Variants in MAP4K4 observed in about 807,000 individuals in gnomAD.
The protein encoded by MAP4K4 is mitogen-activated protein kinase kinase kinase kinase 4, also known as HPK/GCK-like kinase HGK.
MAP4K4 carries 38 observed loss-of-function variants against 189.6 expected under a neutral mutation model. The ratio of observed to expected loss-of-function variants is 0.20; its 90% CI spans 0.15 to 0.26. MAP4K4 has a LOEUF of 0.26. Ranked by LOEUF, MAP4K4 falls within the 10% of genes least tolerant of loss-of-function variation. MAP4K4 has a pLI of 1.00. For synonymous variants in MAP4K4, 610 were observed against 624.3 expected (o/e 0.98, Z 0.34); for missense variants, 1,054 against 1,726.9 (o/e 0.61, Z 6.91).
chr2:101,873,238 C>T (rs970794115), intron 24 of MAP4K4, among the ~76,000 whole-genome samples: 7 of 152,222 alleles, frequency 4.6e-5, no homozygotes, highest in Non-Finnish European at 1.0e-4. Flanking sequence ...AATATTCCAG[C>T]ATAGATTATT....
At chr2:101,707,704 T>G (rs1460577951) in intron 2 of MAP4K4, among the ~76,000 whole-genome samples, 1 of 148,846 alleles carries the variant, frequency 6.7e-6, no homozygotes, top group Non-Finnish European at 1.5e-5. Context: ...TTTTTTTTTT[T>G]TTTTGAGACG....
intron 2 of MAP4K4, among the ~76,000 whole-genome samples, chr2:101,718,482 C>T (rs1000274256): frequency 1.3e-5 from 2 of 150,720 alleles, no homozygotes; most frequent in East Asian, 2.0e-4. Flanking sequence ...CCCAGGGTTT[C>T]GACAGGTTTG....
At chr2:101,874,242 T>C in exon 26 of MAP4K4, 1 of 1,608,958 alleles carries the variant, frequency 6.2e-7, no homozygotes, top group Non-Finnish European at 8.5e-7. Context: ...TTCTGTGTGC[T>C]GCCTTATGGG....
intron 2 of MAP4K4, among the ~76,000 whole-genome samples, chr2:101,743,269 CT>C (rs1372259148): frequency 1.3e-5 from 2 of 152,080 alleles, no homozygotes; most frequent in Non-Finnish European, 2.9e-5. Flanking sequence ...GCTCTTTTGC[CT>C]TGTTTTTTGG....
chr2:101,844,991 C>T (rs7561640), intron 12 of MAP4K4, among the ~76,000 whole-genome samples: 3,097 of 151,888 alleles, frequency 0.02, 114 homozygotes, highest in African/African-American at 0.07. Context: ...GGAAGAGTGC[C>T]GCGTGGCAAG....
At chr2:101,791,499 T>A (rs532065064) in intron 3 of MAP4K4, among the ~76,000 whole-genome samples, 1 of 152,224 alleles carries the variant, frequency 6.6e-6, no homozygotes, top group African/African-American at 2.4e-5. Context: ...TATCTGAAAT[T>A]TTACTTTATG....
chr2:101,827,802 G>A (rs1043404171), intron 5 of MAP4K4, among the ~76,000 whole-genome samples: 4 of 152,164 alleles, frequency 2.6e-5, no homozygotes, highest in African/African-American at 9.7e-5. Flanking sequence ...AACCAATACT[G>A]TATGACAACC....
chr2:101,746,411 G>A (rs550672832), intron 2 of MAP4K4, among the ~76,000 whole-genome samples: 2 of 150,972 alleles, frequency 1.3e-5, no homozygotes, highest in East Asian at 2.0e-4. Context: ...TTCATGTTTT[G>A]TAAGTTTAAT....
intron 6 of MAP4K4, among the ~76,000 whole-genome samples, chr2:101,830,270 C>T (rs985703781): frequency 3.3e-5 from 5 of 152,054 alleles, no homozygotes; most frequent in African/African-American, 1.2e-4. Flanking sequence ...AGTGTATTAC[C>T]CAGCATCTAG....
chr2:101,728,553 C>T (rs931903294), intron 2 of MAP4K4, among the ~76,000 whole-genome samples: 7 of 151,978 alleles, frequency 4.6e-5, no homozygotes, highest in African/African-American at 1.7e-4. Context: ...GCTCTGTCAC[C>T]CAGGCTGGGG....
chr2:101,760,408 G>C (rs753917634), intron 2 of MAP4K4, among the ~76,000 whole-genome samples: 1 of 150,512 alleles, frequency 6.6e-6, no homozygotes, highest in African/African-American at 2.4e-5. Flanking sequence ...AGAATTGCTT[G>C]AACCTGGGAG....
chr2:101,710,474 T>G (rs1161897104), intron 2 of MAP4K4, among the ~76,000 whole-genome samples: 1 of 152,216 alleles, frequency 6.6e-6, no homozygotes, highest in Non-Finnish European at 1.5e-5. Flanking sequence ...AAGATTTCCT[T>G]TATTTATTTA....
intron 2 of MAP4K4, among the ~76,000 whole-genome samples, chr2:101,704,050 A>C (rs74410723): frequency 0.099 from 15,005 of 152,160 alleles, 1,217 homozygotes; most frequent in African/African-American, 0.23. Context: ...TGCATTTTGG[A>C]GCAAGTACTT....
intron 3 of MAP4K4, among the ~76,000 whole-genome samples, chr2:101,808,360 C>CGAA (rs1559018374): frequency 6.6e-6 from 1 of 152,146 alleles, no homozygotes; most frequent in Non-Finnish European, 1.5e-5. Flanking sequence ...CTCTTAACAC[C>CGAA]GAAGAATTCA....
intron 9 of MAP4K4, 51 bp from the exon 10 acceptor site, chr2:101,839,768 G>C (rs1157308178): frequency 4.3e-6 from 6 of 1,395,160 alleles, no homozygotes; most frequent in Non-Finnish European, 4.8e-6. Flanking sequence ...TGATATTTTC[G>C]ATCTTTACTC....
intron 2 of MAP4K4, among the ~76,000 whole-genome samples, chr2:101,719,745 C>G (rs1186575943): frequency 2.6e-5 from 4 of 152,198 alleles, no homozygotes. Context: ...GGCGTGGTGG[C>G]TCACGCCTGT....
At chr2:101,716,838 G>C (rs2048706873) in intron 2 of MAP4K4, among the ~76,000 whole-genome samples, 1 of 152,072 alleles carries the variant, frequency 6.6e-6, no homozygotes, top group African/African-American at 2.4e-5. Flanking sequence ...CTGGCCTTTT[G>C]TTTCCCATAT....
In MAP4K4 at chr2:101,714,968, A is replaced by G. The variant is rs1394430368; in HGVS notation, c.123+16430A>G. Among the ~76,000 whole-genome samples the G allele has an allele frequency of 2.0e-5, 3 of 152,204 alleles. No individual in the cohort carries two copies. The East Asian group carries it at 5.8e-4, about 29-fold the overall frequency. On this transcript the variant is annotated intron_variant, in intron 2 of 32. Transcript: ENST00000324219. The stretch of plus-strand genomic sequence containing the variant: ...TCACTATTCAGAGAATGTGGTAAAA[A>G]TAAGAGGCTTCAAGACCCAAAAGAA...
intron 2 of MAP4K4, among the ~76,000 whole-genome samples, chr2:101,755,351 T>C (rs1442017578): frequency 1.3e-5 from 2 of 152,194 alleles, no homozygotes; most frequent in Non-Finnish European, 2.9e-5. Context: ...ACTGCTTAAA[T>C]ACAGCAAAGG....
Sources: gnomAD v4.1 joint callset for allele counts (sites outside exome capture counted in the v4.1 genomes callset) on GRCh38, gnomAD v4.1.1 for gene constraint, MANE v1.5 for transcripts, NCBI Gene and HGNC (gene_info 2026-07-23, HGNC 2026-07-21) for gene names.